The following CNTN4 variants were observed in gnomAD, a reference collection of about 807,000 sequenced individuals.
CNTN4 encodes the protein contactin-4.
In CNTN4, 77 loss-of-function variants were observed where a neutral mutation model predicts 122.5. The ratio of observed to expected loss-of-function variants is 0.63; its 90% CI spans 0.52 to 0.76. The LOEUF is 0.76. CNTN4 is among the 30% of genes least tolerant of loss of function. The pLI, the probability that CNTN4 is intolerant of heterozygous loss-of-function variation, is 0.00. For synonymous variants in CNTN4, 512 were observed against 447.0 expected, an observed-to-expected ratio of 1.15 and a Z score of -1.83; for missense variants, 1,256 against 1,259.1, an observed-to-expected ratio of 1.00 and a Z score of 0.04.
In CNTN4 at chr3:3,008,356, A is replaced by G. The variant is rs144843693; in HGVS notation, c.1487-17746A>G. On this transcript the variant is annotated intron_variant, in intron 14 of 24. Coordinates refer to ENST00000418658, the MANE Select transcript of CNTN4 (RefSeq NM_175607.3). ...TCTGTCAGGCAGCATTTTACCTGGC[A>G]TGGATCCGCCAAAGAAAACAAACAA... is the stretch of plus-strand genomic sequence containing the variant. Among the ~76,000 whole-genome samples the G allele has an allele frequency of 7.4e-4, 112 of 152,324 alleles. 5 individuals are homozygous for G. In the East Asian group the frequency reaches 0.019, roughly 25 times the overall value.
intron 3 of CNTN4, among the ~76,000 whole-genome samples, chr3:2,340,715 A>AGAGAGAGAGAGAGAGAGAGGGG: frequency 7.7e-6 from 1 of 129,468 alleles, no homozygotes; most frequent in South Asian, 2.7e-4. Flanking sequence ...ATATATAGAG[A>AGAGAGAGAGAGAGAGAGAGGGG]GAGAGAGAGA....
At chr3:2,391,524 C>T (rs1006051156) in intron 3 of CNTN4, among the ~76,000 whole-genome samples, 6 of 152,178 alleles carry the variant, frequency 3.9e-5, no homozygotes, top group Admixed American at 1.3e-4. Flanking sequence ...ATATACCAGT[C>T]TAGTTTATTA....
intron 2 of CNTN4, among the ~76,000 whole-genome samples, chr3:2,185,043 G>A (rs1007549495): frequency 4.6e-5 from 7 of 152,136 alleles, no homozygotes; most frequent in South Asian, 2.1e-4. Flanking sequence ...ATTCCTCATT[G>A]TGCAACTGTT....
At chr3:2,665,701 G>A (rs961682157) in intron 4 of CNTN4, among the ~76,000 whole-genome samples, 1 of 152,132 alleles carries the variant, frequency 6.6e-6, no homozygotes, top group Non-Finnish European at 1.5e-5. Flanking sequence ...GAGAATATAA[G>A]GGTAGATAAG....
intron 2 of CNTN4, among the ~76,000 whole-genome samples, chr3:2,177,520 G>A (rs185900185): frequency 6.6e-6 from 1 of 152,128 alleles, no homozygotes; most frequent in East Asian, 1.9e-4. Flanking sequence ...TATTCAGCAT[G>A]CCTGTGCTGT....
At chr3:3,010,872 A>C (rs746045006) in intron 14 of CNTN4, among the ~76,000 whole-genome samples, 26 of 152,150 alleles carry the variant, frequency 1.7e-4, no homozygotes, top group Admixed American at 2.6e-4. Flanking sequence ...AGCATTCTAA[A>C]TCTATGTTCA....
chr3:2,783,848 T>C (rs2091705025), intron 6 of CNTN4, among the ~76,000 whole-genome samples: 1 of 152,220 alleles, frequency 6.6e-6, no homozygotes, highest in South Asian at 2.1e-4. Context: ...ACTTAATGAA[T>C]GTTCATGATG....
chr3:2,973,848 G>A (rs1693166441), intron 13 of CNTN4, among the ~76,000 whole-genome samples: 1 of 152,126 alleles, frequency 6.6e-6, no homozygotes, highest in Admixed American at 6.5e-5. Flanking sequence ...GCCATTATGC[G>A]ATTTGCCCAA....
intron 6 of CNTN4, among the ~76,000 whole-genome samples, chr3:2,786,742 G>A (rs1559502951): frequency 6.6e-6 from 1 of 152,142 alleles, no homozygotes; most frequent in Non-Finnish European, 1.5e-5. Context: ...TTTCAAGAAA[G>A]AATGGTTTTT....
chr3:2,696,385 G>C (rs752986954), intron 4 of CNTN4, among the ~76,000 whole-genome samples: 6 of 152,160 alleles, frequency 3.9e-5, no homozygotes, highest in Non-Finnish European at 8.8e-5. Flanking sequence ...AATCATGAGG[G>C]CATCACATTT....
At chr3:2,191,692 ATG>A (rs1476310675) in intron 2 of CNTN4, among the ~76,000 whole-genome samples, 94 of 33,568 alleles carry the variant, frequency 2.8e-3, no homozygotes, top group African/African-American at 6.5e-3. Context: ...ACAAAATTCT[ATG>A]TATATATATA....
intron 6 of CNTN4, among the ~76,000 whole-genome samples, chr3:2,814,559 C>T (rs887342803): frequency 3.9e-5 from 6 of 152,244 alleles, no homozygotes; most frequent in Non-Finnish European, 8.8e-5. Context: ...TATACCAACC[C>T]ATCACACTAT....
chr3:2,980,706 G>A (rs1211175776), intron 13 of CNTN4, among the ~76,000 whole-genome samples: 8 of 152,180 alleles, frequency 5.3e-5, no homozygotes, highest in Non-Finnish European at 1.0e-4. Context: ...AAAAGAAAGA[G>A]AAAGAACAGC....
At chr3:2,493,738 G>A (rs891135544) in intron 3 of CNTN4, among the ~76,000 whole-genome samples, 23 of 151,898 alleles carry the variant, frequency 1.5e-4, no homozygotes, top group African/African-American at 3.4e-4. Context: ...CAACTAATAC[G>A]GTCATGTGGC....
At chr3:2,791,439 G>A (rs1212751090) in intron 6 of CNTN4, among the ~76,000 whole-genome samples, 1 of 151,886 alleles carries the variant, frequency 6.6e-6, no homozygotes, top group Non-Finnish European at 1.5e-5. Context: ...AGGCTGAAGG[G>A]GAAGGATCAC....
chr3:2,878,903 G>A (rs2093876290), intron 8 of CNTN4, among the ~76,000 whole-genome samples: 1 of 152,134 alleles, frequency 6.6e-6, no homozygotes, highest in African/African-American at 2.4e-5. Flanking sequence ...TCTACTTGGT[G>A]TGGGCATGAG....
At chr3:2,218,709 A>G (rs191994874) in intron 2 of CNTN4, among the ~76,000 whole-genome samples, 2 of 152,270 alleles carry the variant, frequency 1.3e-5, no homozygotes, top group Admixed American at 1.3e-4. Flanking sequence ...CCTGATACAA[A>G]TGTGGAGTAA....
At chr3:2,758,138 T>C (rs886570015) in intron 6 of CNTN4, among the ~76,000 whole-genome samples, 4 of 152,222 alleles carry the variant, frequency 2.6e-5, no homozygotes, top group Non-Finnish European at 5.9e-5. Flanking sequence ...CTATAAGTAA[T>C]GTATATGTTG....
chr3:2,225,649 A>G (rs1228595507), intron 2 of CNTN4, among the ~76,000 whole-genome samples: 2 of 152,208 alleles, frequency 1.3e-5, no homozygotes, highest in African/African-American at 2.4e-5. Flanking sequence ...GGCCTCTTCC[A>G]CAAGCACTCC....
Sources: allele counts gnomAD v4.1 joint callset (sites outside exome capture counted in the v4.1 genomes callset), GRCh38; gene constraint gnomAD v4.1.1; transcripts MANE v1.5; gene names NCBI Gene and HGNC (gene_info 2026-07-23, HGNC 2026-07-21).